The following CBX1 variants were observed in gnomAD, a reference collection of about 807,000 sequenced individuals.
CBX1 encodes the protein chromobox protein homolog 1.
In CBX1, 10 loss-of-function variants were observed where a neutral mutation model predicts 25.1. That is an observed-to-expected ratio of 0.40 (90% CI 0.25 to 0.68). CBX1 has a LOEUF of 0.68. Among genes scored for constraint, CBX1 ranks in the 30% least tolerant of loss-of-function variants. The pLI is 0.40. For synonymous variants in CBX1, 63 were observed against 79.4 expected (o/e 0.79, Z 1.10); for missense variants, 106 against 218.5 (o/e 0.49, Z 3.25).
intron 1 of CBX1, among the ~76,000 whole-genome samples, chr17:48,087,481 G>A (rs1241996809): frequency 6.6e-6 from 1 of 151,980 alleles, no homozygotes; most frequent in Non-Finnish European, 1.5e-5. Flanking sequence ...GGCTGAGGCA[G>A]GAGAATAGCT....
intron 1 of CBX1, among the ~76,000 whole-genome samples, chr17:48,077,389 C>T (rs1482048495): frequency 9.3e-5 from 14 of 150,442 alleles, no homozygotes; most frequent in Admixed American, 6.6e-4. Context: ...TCCCAAGCAG[C>T]TGGGACTACA....
intron 1 of CBX1, among the ~76,000 whole-genome samples, chr17:48,081,612 T>A (rs1035377095): frequency 2.6e-5 from 4 of 152,084 alleles, no homozygotes; most frequent in African/African-American, 7.2e-5. Flanking sequence ...CTAATTTTTT[T>A]AATACTCTTA....
At chr17:48,098,133 C>T (rs2063385699) in intron 1 of CBX1, among the ~76,000 whole-genome samples, 1 of 152,096 alleles carries the variant, frequency 6.6e-6, no homozygotes, top group South Asian at 2.1e-4. Context: ...AGACTGTAGT[C>T]CTAGCTACTC....
At chr17:48,100,844 AC>A in intron 1 of CBX1, 1 of 985,588 alleles carries the variant, frequency 1.0e-6, no homozygotes, top group Non-Finnish European at 1.2e-6. Context: ...TCCCAGCCGG[AC>A]CCGGCGTCTT....
chr17:48,085,950 G>C (rs955055297), intron 1 of CBX1, among the ~76,000 whole-genome samples: 1 of 152,098 alleles, frequency 6.6e-6, no homozygotes, highest in Admixed American at 6.6e-5. Flanking sequence ...TGCACCTGTA[G>C]TCCCAGTTAC....
chr17:48,101,031 T>A, intron 1 of CBX1: 1 of 985,524 alleles, frequency 1.0e-6, no homozygotes, highest in Non-Finnish European at 1.2e-6. Context: ...CCCCAAGCAC[T>A]CAGTCTCTGG....
chr17:48,081,367 C>A (rs759928145), intron 1 of CBX1, among the ~76,000 whole-genome samples: 19 of 152,090 alleles, frequency 1.2e-4, no homozygotes, highest in Non-Finnish European at 2.6e-4. Context: ...CATAGAATGG[C>A]ATAATTGTTA....
intron 1 of CBX1, among the ~76,000 whole-genome samples, chr17:48,079,636 G>A (rs998827037): frequency 2.0e-5 from 3 of 151,998 alleles, no homozygotes; most frequent in Non-Finnish European, 2.9e-5. Flanking sequence ...TGGAACCACA[G>A]GTGTGCGCCA....
intron 1 of CBX1, among the ~76,000 whole-genome samples, chr17:48,092,890 G>C (rs1327055628): frequency 6.6e-6 from 1 of 151,972 alleles, no homozygotes; most frequent in African/African-American, 2.4e-5. Flanking sequence ...GACCAACATG[G>C]AGAAACCCAG....
At chr17:48,092,836 C>T (rs897069364) in intron 1 of CBX1, among the ~76,000 whole-genome samples, 1 of 151,778 alleles carries the variant, frequency 6.6e-6, no homozygotes, top group African/African-American at 2.4e-5. Context: ...TTTGGGAGGC[C>T]GAGGTCGGCA....
intron 1 of CBX1, among the ~76,000 whole-genome samples, chr17:48,079,204 C>T (rs986535308): frequency 1.3e-5 from 2 of 152,066 alleles, no homozygotes. Context: ...CACCTGGGTT[C>T]AAGTGATTCT....
At chr17:48,083,284 A>C (rs2037756383) in intron 1 of CBX1, among the ~76,000 whole-genome samples, 1 of 150,498 alleles carries the variant, frequency 6.6e-6, no homozygotes, top group South Asian at 2.1e-4. Context: ...TGCTGGGATT[A>C]CATGTGTAAG....
chr17:48,086,356 G>A (rs573857066), intron 1 of CBX1, among the ~76,000 whole-genome samples: 1 of 152,302 alleles, frequency 6.6e-6, no homozygotes, highest in South Asian at 2.1e-4. Flanking sequence ...AAGGGTACGA[G>A]AAGGCTTCAA....
intron 1 of CBX1, among the ~76,000 whole-genome samples, chr17:48,100,175 C>T (rs1264598230): frequency 1.6e-5 from 2 of 125,338 alleles, no homozygotes; most frequent in Non-Finnish European, 3.5e-5. Flanking sequence ...ATAGCTCACT[C>T]TATTCAAATT....
At chr17:48,101,207 C>A in intron 1 of CBX1, 61 bp downstream of exon 1, 2 of 989,046 alleles carry the variant, frequency 2.0e-6, no homozygotes, top group Non-Finnish European at 2.4e-6. Flanking sequence ...ACGCAGGGCT[C>A]CCGCCGCCGC....
At chr17:48,075,382 A>G (rs34038169) in intron 3 of CBX1, among the ~76,000 whole-genome samples, 3,585 of 151,844 alleles carry the variant, frequency 0.024, 148 homozygotes, top group African/African-American at 0.083. Context: ...TTTAGTAGAG[A>G]CCCAGTTTCT....
chr17:48,078,027 C>T (rs866035775), intron 1 of CBX1, among the ~76,000 whole-genome samples: 4 of 151,790 alleles, frequency 2.6e-5, no homozygotes, highest in Admixed American at 6.6e-5. Flanking sequence ...GAGCCAAGAT[C>T]GCACGACTGT....
intron 1 of CBX1, among the ~76,000 whole-genome samples, chr17:48,087,115 G>A (rs1417647973): frequency 6.6e-6 from 1 of 151,662 alleles, no homozygotes; most frequent in Non-Finnish European, 1.5e-5. Context: ...GTTGAACCTG[G>A]GAAGCAGAGG....
intron 2 of CBX1, 36 bp downstream of exon 2, chr17:48,076,829 G>A (rs1363421968): frequency 1.3e-6 from 2 of 1,588,246 alleles, no homozygotes; most frequent in Non-Finnish European, 8.6e-7. Flanking sequence ...TGATAAACAC[G>A]TGGTGGCTAC....
Sources: allele counts gnomAD v4.1 joint callset (sites outside exome capture counted in the v4.1 genomes callset), GRCh38; gene constraint gnomAD v4.1.1; transcripts MANE v1.5; gene names NCBI Gene and HGNC (gene_info 2026-07-23, HGNC 2026-07-21).